OPA3: variants seen among roughly 807,000 people sequenced by gnomAD.
OPA3 encodes outer mitochondrial membrane lipid metabolism regulator OPA3, also known as optic atrophy 3 protein.
In OPA3, 6 loss-of-function variants were observed where a neutral mutation model predicts 4.0. The ratio of observed to expected loss-of-function variants is 1.51; its 90% CI spans 0.83 to 2.99. The LOEUF is 2.99. Among genes scored for constraint, OPA3 ranks in the 30% most tolerant of loss-of-function variants. The probability of loss-of-function intolerance (pLI) is 0.00; values close to 1 mark genes in which losing one functional copy is unlikely to be tolerated. For synonymous variants in OPA3, 105 were observed against 117.1 expected, an observed-to-expected ratio of 0.90 and a Z score of 0.67; for missense variants, 235 against 256.2, an observed-to-expected ratio of 0.92 and a Z score of 0.56.
intron 1 of OPA3, among the ~76,000 whole-genome samples, chr19:45,573,044 G>A (rs1969712121): frequency 6.6e-6 from 1 of 151,808 alleles, no homozygotes; most frequent in South Asian, 2.1e-4. Context: ...AAGCCCACAT[G>A]AGGGACAGTC....
chr19:45,552,114 C>T lies in OPA3; in HGVS notation c.*1400G>A, dbSNP rs1969341667. 2.0e-6 allele frequency: 2 copies of T among 985,220 alleles called. No individual in the cohort carries two copies. Among genetic ancestry groups the T allele is most frequent in the Non-Finnish European group, 1.2e-6 (1 of 829,968 alleles). 61.0% of individuals were successfully genotyped at this position (985,220 alleles called of 1,614,324 possible). A position where few individuals can be genotyped will look rare whatever the true frequency, so the allele number is the denominator to read the frequency against. ...TGTAGTGCCATTCCAGTGGGTTGTG[C>T]CATAGACTCAAGGATGAGGGGGTTC... is the stretch of plus-strand genomic sequence containing the variant. On this transcript the variant is annotated 3_prime_UTR_variant, in exon 2 of 2. Coordinates refer to ENST00000263275, the MANE Select transcript of OPA3 (RefSeq NM_025136.4).
Position 45,548,402 on chromosome 19 carries a change from C to A in OPA3, c.*5112G>T. ...GGGAGGGGCACAGCCCTCAGGGCAC[C>A]TCCCAGGGTTTTGTGAGCTGGGATG... is the stretch of plus-strand genomic sequence containing the variant. On this transcript the variant is annotated 3_prime_UTR_variant, in exon 2 of 2. Transcript: ENST00000263275. The A allele has an allele frequency of 1.0e-6, 1 of 985,562 alleles. No individual in the cohort carries two copies. Among genetic ancestry groups the A allele is most frequent in the African/African-American group, 1.7e-5 (1 of 57,368 alleles). 61.1% of individuals were successfully genotyped at this position (985,562 alleles called of 1,614,324 possible). A position where few individuals can be genotyped will look rare whatever the true frequency, so the allele number is the denominator to read the frequency against.
chr19:45,529,837 C>T (rs1969039541), intron 1 of OPA3, among the ~76,000 whole-genome samples: 1 of 152,108 alleles, frequency 6.6e-6, no homozygotes, highest in South Asian at 2.1e-4. Context: ...CTCAAGCGAT[C>T]CTCCTCCCGC....
Position 45,549,794 on chromosome 19 carries a change from C to T in OPA3, c.*3720G>A. 1.0e-6 allele frequency: 1 copy of T among 985,424 alleles called. No individual in the cohort carries two copies. Among genetic ancestry groups the T allele is most frequent in the South Asian group, 4.7e-5 (1 of 21,282 alleles). The allele number at this position is 985,424 out of a possible 1,614,324, so 61.0% of individuals were successfully genotyped here. Reference sequence around the variant, plus strand: ...CCTGGGTCACTCCCAGTTTTAAACACAGCCCACTCAGGACCCACTCGGTCA... The same window carrying T: ...CCTGGGTCACTCCCAGTTTTAAACATAGCCCACTCAGGACCCACTCGGTCA... On this transcript the variant is annotated 3_prime_UTR_variant, in exon 2 of 2. Coordinates refer to ENST00000263275, the MANE Select transcript of OPA3 (RefSeq NM_025136.4).
In OPA3 at chr19:45,538,263, G is replaced by A. The variant is rs571625446; in HGVS notation, c.143-8807C>T. ...ATAGTGAAACCCCATCTTCACACAC[G>A]CACACAAAATAGCTGGGTGTGGTGG... On this transcript the variant is annotated intron_variant, in intron 1 of 1. Coordinates refer to the OPA3 transcript ENST00000323060. Among the ~76,000 whole-genome samples, 8 of 143,846 alleles carry A rather than the reference G, an allele frequency of 5.6e-5. No homozygotes were observed. The East Asian group carries it at 8.6e-4, about 15-fold the overall frequency. The allele number at this position is 143,846 out of a possible 152,430, so 94.4% of individuals were successfully genotyped here. A position where few individuals can be genotyped will look rare whatever the true frequency, so the allele number is the denominator to read the frequency against.
At chr19:45,572,635 TATATATATCG>T (rs1243707382) in intron 1 of OPA3, among the ~76,000 whole-genome samples, 1 of 138,852 alleles carries the variant, frequency 7.2e-6, no homozygotes, top group East Asian at 2.0e-4. Context: ...TGTATATAAA[TATATATATCG>T]ATATATATCA....
At chr19:45,538,688 A>C (rs1599952321) in intron 1 of OPA3, among the ~76,000 whole-genome samples, 2 of 150,744 alleles carry the variant, frequency 1.3e-5, no homozygotes, top group Non-Finnish European at 2.9e-5. Context: ...GTGCCATTGC[A>C]CTCCAGCCTG....
intron 1 of OPA3, among the ~76,000 whole-genome samples, chr19:45,567,235 G>T (rs1028946569): frequency 6.6e-6 from 1 of 151,612 alleles, no homozygotes; most frequent in African/African-American, 2.4e-5. Context: ...AGCTACTCAG[G>T]AGGCTGAGGC....
At chr19:45,544,446 G>C (rs1969221230), downstream of OPA3, among the ~76,000 whole-genome samples, 1 of 152,108 alleles carries the variant, frequency 6.6e-6, no homozygotes, top group South Asian at 2.1e-4. Flanking sequence ...GATCACCTGA[G>C]GTCGGGAGTT....
chr19:45,584,518 G>A (rs1441974993), intron 1 of OPA3, 105 bp downstream of exon 1: 8 of 1,592,284 alleles, frequency 5.0e-6, no homozygotes, highest in Non-Finnish European at 6.9e-6. Flanking sequence ...GGACTTTGCC[G>A]GTTCGGGCTG....
At chr19:45,562,283 G>T (rs1172938358) in intron 1 of OPA3, among the ~76,000 whole-genome samples, 1 of 140,284 alleles carries the variant, frequency 7.1e-6, no homozygotes. Context: ...GGAGGCAGAG[G>T]CTGCAGTGAG....
At position 45,529,212 on chromosome 19, in the gene OPA3, C is replaced by G. The variant is rs749184660; in HGVS notation, c.387G>C (p.Leu129Phe). 2.5e-6 allele frequency: 4 copies of G among 1,612,324 alleles called. No individual in the cohort carries two copies. In the South Asian group the frequency reaches 3.3e-5, roughly 13 times the overall value. The change falls in exon 2 of 2, where the codon TTG (leucine) becomes TTC (phenylalanine). Residue 129 changes from leucine to phenylalanine, a missense_variant. Coordinates refer to the OPA3 transcript ENST00000323060. ...CCTGCAACTCCTCGAGCGCCAGCCC[C>G]AAGTGGCCCACCTCGCCCCGCAGCG...
chr19:45,544,610 C>G (rs1363385870), downstream of OPA3, among the ~76,000 whole-genome samples: 1 of 152,140 alleles, frequency 6.6e-6, no homozygotes, highest in Non-Finnish European at 1.5e-5. Context: ...GCCTGACCAA[C>G]ATGGAGAAAC....
chr19:45,528,559 A>C (rs544919803), exon 2 of OPA3: 1 of 156,542 alleles, frequency 6.4e-6, no homozygotes, highest in Non-Finnish European at 1.4e-5. Flanking sequence ...GCATCTTTAC[A>C]ATGGTCTGTA....
In OPA3 at chr19:45,550,945, G is replaced by A. The variant is rs142346821; in HGVS notation, c.*2569C>T. The A allele has an allele frequency of 6.8e-4, 667 of 985,636 alleles. 4 individuals are homozygous for A. In the African/African-American group the frequency reaches 9.4e-3, roughly 14 times the overall value. The allele number at this position is 985,636 out of a possible 1,614,324, so 61.1% of individuals were successfully genotyped here. On this transcript the variant is annotated 3_prime_UTR_variant, in exon 2 of 2. Coordinates refer to ENST00000263275, the MANE Select transcript of OPA3 (RefSeq NM_025136.4). Reference sequence around the variant, plus strand: ...CTAGCAGGAAGGCCAAATGGCCCGCGGGGTTGGCAGGAGTCCCAGGGTACT... The same window carrying A: ...CTAGCAGGAAGGCCAAATGGCCCGCAGGGTTGGCAGGAGTCCCAGGGTACT...
At chr19:45,540,055 A>C (rs1017369589) in intron 1 of OPA3, among the ~76,000 whole-genome samples, 13 of 152,140 alleles carry the variant, frequency 8.5e-5, no homozygotes, top group Admixed American at 2.0e-4. Context: ...GCAGTGGCTC[A>C]TGCCTGTAAT....
chr19:45,552,733 T>G lies in OPA3; in HGVS notation c.*781A>C, dbSNP rs1445945890. 1 of 152,668 alleles carries G rather than the reference T, an allele frequency of 6.6e-6. No homozygotes were observed. Among genetic ancestry groups the G allele is most frequent in the Non-Finnish European group, 1.5e-5 (1 of 68,634 alleles). 9.5% of individuals were successfully genotyped at this position (152,668 alleles called of 1,614,324 possible). On this transcript the variant is annotated 3_prime_UTR_variant, in exon 2 of 2. Transcript: ENST00000263275. Reference sequence around the variant, plus strand: ...CTCTGTTGCCCAGGCTAGGGTGCAATGGTGCCATCTTGGCTCACCGCAACC... The same window carrying G: ...CTCTGTTGCCCAGGCTAGGGTGCAAGGGTGCCATCTTGGCTCACCGCAACC...
intron 1 of OPA3, chr19:45,529,490 C>A (rs773094737): frequency 2.5e-6 from 4 of 1,613,790 alleles, no homozygotes; most frequent in Non-Finnish European, 2.5e-6. Flanking sequence ...GGGTCTTTTG[C>A]AGGGCAGCCT....
At chr19:45,563,931 C>T (rs1279542573) in intron 1 of OPA3, among the ~76,000 whole-genome samples, 1 of 151,510 alleles carries the variant, frequency 6.6e-6, no homozygotes, top group Non-Finnish European at 1.5e-5. Context: ...CTCAAGCAAT[C>T]GGCCTGTCTT....
Sources: gnomAD v4.1 joint callset for allele counts (sites outside exome capture counted in the v4.1 genomes callset) on GRCh38, gnomAD v4.1.1 for gene constraint, MANE v1.5 for transcripts, NCBI Gene and HGNC (gene_info 2026-07-23, HGNC 2026-07-21) for gene names.